The following NAV3 variants were observed in gnomAD, a reference collection of about 807,000 sequenced individuals.
NAV3 encodes the protein neuron navigator 3, also known as pore membrane and/or filament interacting like protein 1.
NAV3 carries 87 observed loss-of-function variants against 244.7 expected under a neutral mutation model. That is an observed-to-expected ratio of 0.36 (90% CI 0.30 to 0.42). The LOEUF (loss-of-function observed/expected upper bound fraction) is 0.42, where lower values mean the gene tolerates loss of function less well. Ranked by LOEUF, NAV3 falls within the 20% of genes least tolerant of loss-of-function variation. The pLI, the probability that NAV3 is intolerant of heterozygous loss-of-function variation, is 1.00. For synonymous variants in NAV3, 1,126 were observed against 1,042.2 expected, an observed-to-expected ratio of 1.08 and a Z score of -1.55; for missense variants, 2,663 against 2,893.3, an observed-to-expected ratio of 0.92 and a Z score of 1.83.
At chr12:77,984,059 T>C (rs1870041451) in intron 5 of NAV3, among the ~76,000 whole-genome samples, 1 of 152,192 alleles carries the variant, frequency 6.6e-6, no homozygotes. Context: ...CCTGTGTGTG[T>C]TGTTTTGGGA....
intron 1 of NAV3, among the ~76,000 whole-genome samples, chr12:77,870,398 T>G (rs1274277408): frequency 6.6e-6 from 1 of 151,626 alleles, no homozygotes; most frequent in African/African-American, 2.4e-5. Context: ...TTCTAATAAT[T>G]GCTACATCTC....
rs1016854483 is a variant in NAV3, at chr12:77,931,953, C to A, written c.244-8366C>A. Among the ~76,000 whole-genome samples the A allele has an allele frequency of 2.6e-5, 4 of 151,806 alleles. No homozygotes were observed. In the East Asian group the frequency reaches 5.8e-4, roughly 22 times the overall value. ...GTGTGATGCACATAGTTGTTAATGT[C>A]TTTTGTGATTCATTATAGGCCATCC... On this transcript the variant is annotated intron_variant, in intron 1 of 39. Transcript: ENST00000397909.
chr12:78,016,611 T>G (rs1876257938), intron 8 of NAV3, among the ~76,000 whole-genome samples: 1 of 152,216 alleles, frequency 6.6e-6, no homozygotes, highest in Non-Finnish European at 1.5e-5. Context: ...TTAGTGGTTT[T>G]TGAAAGATAT....
rs1234190800 is a variant in NAV3, at chr12:78,185,623, T to A, written c.5715T>A (p.Gly1905=). 6.2e-7 allele frequency: 1 copy of A among 1,608,360 alleles called. No homozygotes were observed. Among genetic ancestry groups the A allele is most frequent in the Admixed American group, 1.7e-5 (1 of 59,764 alleles). The part of the protein sequence containing the change: ...VSSDILLDDA[G]DATGHKDGRS... ...TAGATATTTTGCTAGATGATGCTGG[T>A]GATGCAACTGGACATAAAGATGGCC... Residue 1905 remains glycine, a synonymous_variant, in exon 31 of 40, where the codon GGT becomes GGA. Transcript: ENST00000397909.
intron 7 of NAV3, 138 bp from the exon 8 acceptor site, chr12:78,006,281 G>A (rs1874204180): frequency 1.3e-6 from 1 of 785,956 alleles, no homozygotes. Context: ...CATCAGAGAA[G>A]TGATTGATGC....
At chr12:78,167,251 ATTC>A (rs1473180566) in intron 23 of NAV3, among the ~76,000 whole-genome samples, 2 of 151,810 alleles carry the variant, frequency 1.3e-5, no homozygotes, top group Admixed American at 1.3e-4. Context: ...CAAATATTAT[ATTC>A]TTCTTTTATA....
At chr12:77,746,123 A>G (rs1213456561) in intron 2 of NAV3, among the ~76,000 whole-genome samples, 2 of 151,992 alleles carry the variant, frequency 1.3e-5, no homozygotes, top group African/African-American at 4.8e-5. Context: ...AATCTCTAGT[A>G]TGGTTTCTAC....
intron 2 of NAV3, among the ~76,000 whole-genome samples, chr12:77,804,800 A>T (rs1470217518): frequency 1.3e-5 from 2 of 152,032 alleles, no homozygotes; most frequent in African/African-American, 4.8e-5. Context: ...CTTCCTGTCC[A>T]TGAGCGTGGA....
At chr12:77,871,314 G>A (rs775023701) in intron 1 of NAV3, among the ~76,000 whole-genome samples, 2 of 152,102 alleles carry the variant, frequency 1.3e-5, no homozygotes, top group Non-Finnish European at 2.9e-5. Flanking sequence ...TATACTTTAA[G>A]TTCTGGGATA....
intron 5 of NAV3, among the ~76,000 whole-genome samples, chr12:77,992,623 A>C (rs1871642539): frequency 6.6e-6 from 1 of 152,196 alleles, no homozygotes; most frequent in Non-Finnish European, 1.5e-5. Flanking sequence ...ATATGAACAG[A>C]GGTTAATTTA....
At chr12:77,951,700 A>G (rs1890900683) in intron 3 of NAV3, among the ~76,000 whole-genome samples, 2 of 152,286 alleles carry the variant, frequency 1.3e-5, no homozygotes, top group South Asian at 4.1e-4. Flanking sequence ...CTGGATTAAG[A>G]AAATGTGGCA....
At chr12:77,811,648 T>C (rs1872293444) in intron 2 of NAV3, among the ~76,000 whole-genome samples, 1 of 152,190 alleles carries the variant, frequency 6.6e-6, no homozygotes, top group Admixed American at 6.5e-5. Context: ...ACTGAATGAC[T>C]GAATGAATAC....
In NAV3 at chr12:77,839,955, C is replaced by A. The variant is rs146171296; in HGVS notation, c.243+8251C>A. Among the ~76,000 whole-genome samples the A allele has an allele frequency of 4.0e-3, 616 of 152,226 alleles. 5 individuals carry two copies. Among genetic ancestry groups the A allele is most frequent in the African/African-American group, 0.014 (595 of 41,534 alleles). ...AGGCGTGGTGGCAAGTGCTTGCCAT[C>A]TCAGCTACTCAGGAGGCTGAGGTAT... On this transcript the variant is annotated intron_variant, in intron 1 of 39. Transcript: ENST00000397909.
chr12:77,873,773 T>TATATATATATATAAAA (rs762527287), intron 1 of NAV3, among the ~76,000 whole-genome samples: 9 of 128,624 alleles, frequency 7.0e-5, no homozygotes, highest in African/African-American at 2.6e-4. Flanking sequence ...TATATGTATA[T>TATATATATATATAAAA]AACAGCATAT....
In NAV3 at chr12:77,797,838, C is replaced by CA. The variant is rs569049474; in HGVS notation, c.73-142469dup. Among the ~76,000 whole-genome samples the CA allele has an allele frequency of 9.1e-3, 1,243 of 136,496 alleles. 24 individuals are homozygous for CA. The highest frequency in any genetic ancestry group is 0.026 in the African/African-American group (970 of 37,098). The allele number at this position is 136,496 out of a possible 152,430, so 89.5% of individuals were successfully genotyped here. A position where few individuals can be genotyped will look rare whatever the true frequency, so the allele number is the denominator to read the frequency against. On this transcript the variant is annotated intron_variant, in intron 2 of 8. Transcript: ENST00000550042. ...TGGGTGACAAAGCAAGGCTCTGTCT[C>CA]AAAAAAAAAAAAGTACCTTAAAGAT...
Position 77,872,977 on chromosome 12 carries a change from G to A in NAV3, c.243+41273G>A, listed in dbSNP as rs570792860. Among the ~76,000 whole-genome samples, 11 of 152,238 alleles carry A rather than the reference G, an allele frequency of 7.2e-5. No individual in the cohort carries two copies. In the East Asian group the frequency reaches 9.7e-4, roughly 13 times the overall value. ...CCCCACATGTCATGGGCGGGACCCC[G>A]CAGGAGGTAATTGATCATGGGGTGG... On this transcript the variant is annotated intron_variant, in intron 1 of 39. Coordinates refer to ENST00000397909, the MANE Select transcript of NAV3 (RefSeq NM_001024383.2).
chr12:77,810,414 G>A (rs1592703506), intron 2 of NAV3, among the ~76,000 whole-genome samples: 1 of 152,010 alleles, frequency 6.6e-6, no homozygotes, highest in Non-Finnish European at 1.5e-5. Flanking sequence ...CTCATGATCC[G>A]CCCACCTCGG....
intron 2 of NAV3, among the ~76,000 whole-genome samples, chr12:77,618,511 A>C (rs1371549309): frequency 2.0e-5 from 3 of 152,328 alleles, no homozygotes; most frequent in African/African-American, 7.2e-5. Context: ...TACTATTGTT[A>C]GTATTTTAAG....
At chr12:77,611,069 G>C (rs903141290) in intron 2 of NAV3, among the ~76,000 whole-genome samples, 24 of 150,508 alleles carry the variant, frequency 1.6e-4, no homozygotes, top group South Asian at 2.1e-4. Flanking sequence ...TGCTAATTTT[G>C]AGTGTTTAAT....
Sources: allele counts gnomAD v4.1 joint callset (sites outside exome capture counted in the v4.1 genomes callset), GRCh38; gene constraint gnomAD v4.1.1; transcripts MANE v1.5; gene names NCBI Gene and HGNC (gene_info 2026-07-23, HGNC 2026-07-21).